The following ITPK1 variants were observed in gnomAD, a reference collection of about 807,000 sequenced individuals.
ITPK1 encodes inositol-tetrakisphosphate 1-kinase.
In ITPK1, 21 loss-of-function variants were observed where a neutral mutation model predicts 45.3. The ratio of observed to expected loss-of-function variants is 0.46; its 90% confidence interval spans 0.33 to 0.67. The LOEUF is 0.67. Ranked by LOEUF, ITPK1 falls within the 30% of genes least tolerant of loss-of-function variation. ITPK1 has a pLI of 0.02. For synonymous variants in ITPK1, 258 were observed against 253.6 expected (o/e 1.02, Z -0.16); for missense variants, 474 against 573.5 (o/e 0.83, Z 1.77).
intron 3 of ITPK1, among the ~76,000 whole-genome samples, chr14:93,059,311 A>G (rs1595177126): frequency 9.3e-5 from 2 of 21,500 alleles, no homozygotes; most frequent in African/African-American, 2.2e-4. Context: ...GCAGGGGTGG[A>G]GGGGGTGCGG....
Position 93,113,618 on chromosome 14 carries a change from T to A in ITPK1, c.95+1451A>T, listed in dbSNP as rs368123529. ...AATGCCCTTCCCACAAGTGAGTGTA[T>A]CCGCGGTACAACGTTCAAGTACCCT... On this transcript the variant is annotated intron_variant, in intron 2 of 10. Coordinates refer to ENST00000267615, the MANE Select transcript of ITPK1 (RefSeq NM_014216.6). Among the ~76,000 whole-genome samples the A allele has an allele frequency of 1.6e-3, 246 of 152,288 alleles. 3 individuals are homozygous for A. The South Asian group carries it at 0.043, about 27-fold the overall frequency.
At chr14:93,110,597 C>A (rs775984382) in intron 2 of ITPK1, among the ~76,000 whole-genome samples, 2 of 152,224 alleles carry the variant, frequency 1.3e-5, no homozygotes, top group Admixed American at 6.5e-5. Context: ...ACTGTTGACA[C>A]CAAACTCCCA....
At chr14:93,019,562 G>A (rs148842076) in intron 3 of ITPK1, among the ~76,000 whole-genome samples, 2,943 of 152,266 alleles carry the variant, frequency 0.019, 66 homozygotes, top group Admixed American at 0.075. Flanking sequence ...GGGTGCGGCC[G>A]CCTCTCGCTG....
intron 8 of ITPK1, 111 bp from the exon 9 acceptor site, chr14:92,952,124 C>G (rs755028777): frequency 3.5e-6 from 3 of 864,178 alleles, no homozygotes; most frequent in Non-Finnish European, 3.8e-6. Context: ...ACGTGGCCCC[C>G]GGCTCTGCAG....
At chr14:92,956,453 A>G (rs1884732910) in intron 8 of ITPK1, among the ~76,000 whole-genome samples, 1 of 152,236 alleles carries the variant, frequency 6.6e-6, no homozygotes, top group African/African-American at 2.4e-5. Context: ...TTTTATGGCA[A>G]ACTGGCAACC....
rs961882697 is a variant in ITPK1 at position 93,076,598 on chromosome 14, C to A, written c.117G>T (p.Val39=). The stretch of plus-strand genomic sequence containing the variant: ...CGGGGACGCGGTCTGTACTCACCTG[C>A]ACAACCTCCATCCCTCGCTTCCTGT... ...ELCRKRGMEV[V]QLNLSRPIEE... Residue 39 remains valine (V), a synonymous_variant, in exon 3 of 11, where the codon GTG becomes GTT. Transcript: ENST00000267615. The surrounding 1 kb of genome is among the most constrained non-coding windows in gnomAD (Gnocchi z 4.3). 4.3e-6 allele frequency: 7 copies of A among 1,614,222 alleles called. No homozygotes were observed. Among genetic ancestry groups the A allele is most frequent in the Non-Finnish European group, 5.9e-6 (7 of 1,180,032 alleles).
chr14:93,057,581 C>T (rs1890259538), intron 3 of ITPK1, among the ~76,000 whole-genome samples: 1 of 152,180 alleles, frequency 6.6e-6, no homozygotes, highest in Non-Finnish European at 1.5e-5. Flanking sequence ...TTTCTAGCCC[C>T]GTTTTCTGAA....
intron 5 of ITPK1, 109 bp downstream of exon 5, chr14:92,993,771 A>G: frequency 1.4e-6 from 1 of 711,840 alleles, no homozygotes; most frequent in Non-Finnish European, 2.6e-6. Flanking sequence ...TCCTGCCCCA[A>G]AGTGCTTAAA....
At chr14:93,021,985 G>T (rs1888493637) in intron 3 of ITPK1, among the ~76,000 whole-genome samples, 2 of 152,230 alleles carry the variant, frequency 1.3e-5, no homozygotes, top group Non-Finnish European at 2.9e-5. Flanking sequence ...TTTCTCCCTA[G>T]AAGATAAAGG....
chr14:93,106,907 T>C (rs1176876291), intron 2 of ITPK1, among the ~76,000 whole-genome samples: 2 of 151,738 alleles, frequency 1.3e-5, no homozygotes, highest in Admixed American at 6.6e-5. Context: ...GGCTGAGCCA[T>C]AGGGACATGA....
intron 9 of ITPK1, among the ~76,000 whole-genome samples, chr14:92,949,152 G>A (rs1887838551): frequency 6.6e-6 from 1 of 151,134 alleles, no homozygotes; most frequent in South Asian, 2.1e-4. Flanking sequence ...ACAGTGCAAT[G>A]GCGAGATCAC....
intron 5 of ITPK1, among the ~76,000 whole-genome samples, chr14:92,970,381 C>T (rs758979421): frequency 2.6e-5 from 4 of 152,210 alleles, no homozygotes; most frequent in Non-Finnish European, 4.4e-5. Context: ...GGGGGATGCC[C>T]TCAGGGGAGG....
chr14:92,996,424 G>A (rs1887059063), intron 4 of ITPK1, among the ~76,000 whole-genome samples: 2 of 140,168 alleles, frequency 1.4e-5, no homozygotes, highest in South Asian at 5.3e-4. Context: ...CACACACCGG[G>A]GCCTGTCGCG....
In ITPK1 at chr14:92,958,485, T is replaced by A; in HGVS notation, c.505-119A>T. On this transcript the variant is annotated intron_variant, in intron 7 of 10. Coordinates refer to ENST00000267615, the MANE Select transcript of ITPK1 (RefSeq NM_014216.6). The surrounding 1 kb of genome is among the most constrained non-coding windows in gnomAD (Gnocchi z 4.4). ...AAGGCCCATCCCTGGTCCTGTGGCATGAGGACTCCCCTAGAGGAGCCTTGA... is the reference window on the plus strand; with the variant it reads ...AAGGCCCATCCCTGGTCCTGTGGCAAGAGGACTCCCCTAGAGGAGCCTTGA... 1.1e-6 allele frequency: 1 copy of A among 946,630 alleles called. No homozygotes were observed. The highest frequency in any genetic ancestry group is 1.6e-6 in the Non-Finnish European group (1 of 616,690). 58.6% of individuals were successfully genotyped at this position (946,630 alleles called of 1,614,324 possible). A position where few individuals can be genotyped will look rare whatever the true frequency, so the allele number is the denominator to read the frequency against.
intron 7 of ITPK1, among the ~76,000 whole-genome samples, chr14:92,959,342 C>G (rs1422513962): frequency 6.6e-6 from 1 of 152,224 alleles, no homozygotes; most frequent in Non-Finnish European, 1.5e-5. Context: ...GATAATGGGC[C>G]CCGGAGAGCT....
chr14:92,940,875 G>A lies in ITPK1; in HGVS notation c.*686C>T, dbSNP rs561685992. The A allele has an allele frequency of 3.1e-6, 4 of 1,288,596 alleles. No homozygotes were observed. The highest frequency in any genetic ancestry group is 4.0e-6 in the Non-Finnish European group (4 of 988,774). 79.8% of individuals were successfully genotyped at this position (1,288,596 alleles called of 1,614,324 possible). A position where few individuals can be genotyped will look rare whatever the true frequency, so the allele number is the denominator to read the frequency against. ...TAGGGGAAGGAGACCGCTGTGCAGGGCTAAATGGGACGTGTGTTGGGGGGC... is the reference window on the plus strand; with the variant it reads ...TAGGGGAAGGAGACCGCTGTGCAGGACTAAATGGGACGTGTGTTGGGGGGC... On this transcript the variant is annotated 3_prime_UTR_variant, in exon 11 of 11. Transcript: ENST00000267615.
chr14:93,056,073 G>A (rs1890204734), intron 3 of ITPK1, among the ~76,000 whole-genome samples: 1 of 152,220 alleles, frequency 6.6e-6, no homozygotes, highest in South Asian at 2.1e-4. Context: ...GCTTCACAGA[G>A]GAGGTGTCTC....
At chr14:93,017,849 C>T (rs1458824877) in intron 3 of ITPK1, among the ~76,000 whole-genome samples, 1 of 152,250 alleles carries the variant, frequency 6.6e-6, no homozygotes, top group Admixed American at 6.5e-5. Context: ...GCACCACGCT[C>T]AAAGCTTGCG....
At chr14:92,954,084 G>A (rs373581762) in intron 8 of ITPK1, among the ~76,000 whole-genome samples, 7 of 152,104 alleles carry the variant, frequency 4.6e-5, no homozygotes, top group African/African-American at 1.7e-4. Context: ...CAGTAGAGAC[G>A]GGGTTTTGCC....
Sources: allele counts gnomAD v4.1 joint callset (sites outside exome capture counted in the v4.1 genomes callset), GRCh38; gene constraint gnomAD v4.1.1; non-coding constraint Gnocchi (gnomAD v3.1); transcripts MANE v1.5; gene names NCBI Gene and HGNC (gene_info 2026-07-23, HGNC 2026-07-21).